The following NBR1 variants were observed in gnomAD, a reference collection of about 807,000 sequenced individuals.
NBR1 encodes the protein next to BRCA1 gene 1 protein.
A neutral mutation model predicts 115.5 loss-of-function variants in NBR1; 59 were observed. The observed-to-expected ratio is 0.51, with a 90% CI of 0.41 to 0.63. NBR1 has a LOEUF of 0.63. Among genes scored for constraint, NBR1 ranks in the 30% least tolerant of loss-of-function variants. The pLI is 0.00. For synonymous variants in NBR1, 373 were observed against 414.7 expected (o/e 0.90, Z 1.22); for missense variants, 1,043 against 1,150.5 (o/e 0.91, Z 1.35).
intron 8 of NBR1, 58 bp from the exon 9 acceptor site, chr17:43,190,551 C>T (rs1324426258): frequency 2.0e-6 from 3 of 1,532,602 alleles, no homozygotes; most frequent in East Asian, 4.9e-5. Context: ...TCTTATATCT[C>T]CCTACCCCAG....
At position 43,196,529 on chromosome 17, in the gene NBR1, A is replaced by C; in HGVS notation, c.1799A>C (p.Glu600Ala). 1 of 1,605,516 alleles carries C rather than the reference A, an allele frequency of 6.2e-7. No individual in the cohort carries two copies. Among genetic ancestry groups the C allele is most frequent in the Non-Finnish European group, 8.5e-7 (1 of 1,177,332 alleles). ...SPLPHDSPLI[E>A]KPGLGQIEEE... ...CTGCCACATGACAGTCCTTTAATAG[A>C]GAAGCCAGGCTTGGGGCAGATAGAG... Residue 600 changes from glutamate (E) to alanine (A), a missense_variant, in exon 15 of 21, where the codon GAG (glutamate) becomes GCG (alanine). Physicochemically the swap from Glu to Ala is moderately radical, Grantham distance 107 (BLOSUM62 -1). Transcript: ENST00000590996.
At chr17:43,177,565 C>T (rs957616971) in intron 2 of NBR1, among the ~76,000 whole-genome samples, 12 of 123,312 alleles carry the variant, frequency 9.7e-5, no homozygotes, top group African/African-American at 3.8e-4. Context: ...CCCCACACCC[C>T]ACCCAAAACA....
intron 4 of NBR1, 67 bp downstream of exon 4, chr17:43,179,479 A>G: frequency 7.1e-7 from 1 of 1,404,044 alleles, no homozygotes; most frequent in Non-Finnish European, 1.0e-6. Flanking sequence ...AGGCATTTCT[A>G]TTTATACTCA....
At chr17:43,190,860 A>C in intron 9 of NBR1, 84 bp downstream of exon 9, 1 of 1,326,760 alleles carries the variant, frequency 7.5e-7, no homozygotes, top group Non-Finnish European at 1.0e-6. Context: ...AACTACAGAT[A>C]GTCTCCTTAG....
intron 5 of NBR1, 42 bp from the exon 6 acceptor site, chr17:43,186,208 T>C (rs1413486734): frequency 6.0e-6 from 9 of 1,491,386 alleles, no homozygotes; most frequent in Non-Finnish European, 8.2e-6. Context: ...TAGGAGAAGA[T>C]AATCACGTCG....
chr17:43,189,654 C>T lies in NBR1; in HGVS notation c.547C>T (p.Leu183Phe). The change falls in exon 8 of 21, where the codon CTC becomes TTC. Residue 183 changes from leucine to phenylalanine, a missense_variant. Leu to Phe is a conservative substitution (Grantham distance 22). Transcript: ENST00000590996. ...LEQKLHEKLV[L>F]QNPSLGSCPS... The stretch of plus-strand genomic sequence containing the variant: ...ACAGAAATTACATGAAAAGCTTGTC[C>T]TCCAGAACCCATCCTTGGGTTCTTG... The T allele has an allele frequency of 6.2e-7, 1 of 1,613,968 alleles. No homozygotes were observed. The highest frequency in any genetic ancestry group is 8.5e-7 in the Non-Finnish European group (1 of 1,179,876).
chr17:43,187,521 T>G (rs2056843312), intron 6 of NBR1, among the ~76,000 whole-genome samples: 1 of 144,928 alleles, frequency 6.9e-6, no homozygotes, highest in South Asian at 2.2e-4. Context: ...TTTTTTTTTT[T>G]TTTTTGAGAC....
At chr17:43,189,897 C>A in intron 8 of NBR1, 95 bp downstream of exon 8, 1 of 1,058,538 alleles carries the variant, frequency 9.4e-7, no homozygotes, top group South Asian at 1.4e-5. Context: ...TAATTGTACC[C>A]TGTTTCTGAG....
At position 43,189,048 on chromosome 17, in the gene NBR1, C is replaced by T. The variant is rs781188671; in HGVS notation, c.409C>T (p.Pro137Ser). The T allele has an allele frequency of 6.3e-7, 1 of 1,599,794 alleles. No homozygotes were observed. Among genetic ancestry groups the T allele is most frequent in the East Asian group, 2.3e-5 (1 of 44,016 alleles). ...GGCTTGTGTTTTCTCCCAGTCGTTT[C>T]CACTTGTTCCATGTGACACAGACCA... ...TPEDPAVQSFPLVPCDTDQPQ... is the reference protein window; with the variant it reads ...TPEDPAVQSFSLVPCDTDQPQ... Residue 137 changes from proline to serine, a missense_variant, in exon 7 of 21, where the codon CCA becomes TCA. Transcript: ENST00000590996.
chr17:43,176,059 A>G lies in NBR1; in HGVS notation c.102+158A>G, dbSNP rs765659985. On this transcript the variant is annotated intron_variant, in intron 2 of 20. Transcript: ENST00000590996. The stretch of plus-strand genomic sequence containing the variant: ...TGCTTTTGATAGGGTTTCAGTATTC[A>G]TATATGAGATGTGCCCCAATAAAGG... The G allele has an allele frequency of 6.0e-4, 315 of 527,148 alleles. 2 individuals are homozygous for G. Among genetic ancestry groups the G allele is most frequent in the Non-Finnish European group, 1.0e-4 (30 of 292,876 alleles). 32.7% of individuals were successfully genotyped at this position (527,148 alleles called of 1,614,324 possible).
At chr17:43,189,925 G>C in intron 8 of NBR1, 123 bp downstream of exon 8, 3 of 813,668 alleles carry the variant, frequency 3.7e-6, no homozygotes, top group South Asian at 3.2e-5. Context: ...TGTTGTAGCT[G>C]TGAGTTGGAA....
In NBR1 at chr17:43,183,373, A is replaced by G. The variant is rs1303118766; in HGVS notation, c.207+2556A>G. ...GTAGCTGGGACTACGGGCATGCGCC[A>G]CCACACCCAGCTAATTTTTGTATTT... On this transcript the variant is annotated intron_variant, in intron 5 of 20. Transcript: ENST00000590996. 2.6e-5 allele frequency among the ~76,000 whole-genome samples: 4 copies of G among 151,534 alleles called. No individual in the cohort carries two copies. The East Asian group carries it at 7.8e-4, about 29-fold the overall frequency.
At chr17:43,184,997 G>C (rs1205122448) in intron 5 of NBR1, among the ~76,000 whole-genome samples, 4 of 151,764 alleles carry the variant, frequency 2.6e-5, no homozygotes, top group Admixed American at 6.6e-5. Context: ...GCTGAGGCAG[G>C]AGAATCGCTT....
At chr17:43,207,755 A>G (rs1028221857) in intron 20 of NBR1, among the ~76,000 whole-genome samples, 1 of 152,228 alleles carries the variant, frequency 6.6e-6, no homozygotes, top group African/African-American at 2.4e-5. Flanking sequence ...AATAATGACA[A>G]AAAAGTTTGT....
intron 6 of NBR1, 54 bp from the exon 7 acceptor site, chr17:43,188,988 G>C: frequency 8.3e-7 from 1 of 1,207,644 alleles, no homozygotes. Flanking sequence ...TCCAGGAAAA[G>C]TATTTTAAAT....
chr17:43,200,498 G>A lies in NBR1; in HGVS notation c.2358G>A (p.Gly786=). The A allele has an allele frequency of 6.2e-7, 1 of 1,613,876 alleles. No individual in the cohort carries two copies. The highest frequency in any genetic ancestry group is 1.3e-5 in the African/African-American group (1 of 75,034). Residue 786 remains glycine, a synonymous_variant, in exon 17 of 21, where the codon GGG becomes GGA. Transcript: ENST00000590996. ...PAEAGERLPG[G]ENQPQEHSIS... ...AGGCTGGGGAAAGACTCCCTGGAGGGGAGAACCAGCCACAGGAGCACAGCA... is the reference window on the plus strand; with the variant it reads ...AGGCTGGGGAAAGACTCCCTGGAGGAGAGAACCAGCCACAGGAGCACAGCA...
chr17:43,180,705 G>T, intron 4 of NBR1, 90 bp from the exon 5 acceptor site: 11 of 1,279,024 alleles, frequency 8.6e-6, no homozygotes, highest in Non-Finnish European at 1.1e-5. Context: ...TGAATGAATG[G>T]ATGTGTACAA....
chr17:43,194,970 C>T lies in NBR1; in HGVS notation c.1681C>T (p.Leu561=). Residue 561 remains leucine, a synonymous_variant, in exon 14 of 21, where the codon CTG becomes TTG. Coordinates refer to ENST00000590996, the MANE Select transcript of NBR1 (RefSeq NM_005899.5). ...ACATTGTCTTTTTTTATAGGACCTG[C>T]TGTCCTTTGAGCTGTTGGATATAAA... ...SVDLLTAQDL[L]SFELLDINIV... 2 of 1,613,416 alleles carry T rather than the reference C, an allele frequency of 1.2e-6. No homozygotes were observed. The highest frequency in any genetic ancestry group is 1.7e-6 in the Non-Finnish European group (2 of 1,179,508).
intron 6 of NBR1, among the ~76,000 whole-genome samples, chr17:43,188,370 A>G (rs2056868128): frequency 6.6e-6 from 1 of 152,140 alleles, no homozygotes; most frequent in African/African-American, 2.4e-5. Context: ...GCCCTTTGTC[A>G]GATGGATGGA....
Sources: gnomAD v4.1 joint callset for allele counts (sites outside exome capture counted in the v4.1 genomes callset) on GRCh38, gnomAD v4.1.1 for gene constraint, MANE v1.5 for transcripts, NCBI Gene and HGNC (gene_info 2026-07-23, HGNC 2026-07-21) for gene names.